The following CFAP68 variants were observed in gnomAD, a reference collection of about 807,000 sequenced individuals.
The protein encoded by CFAP68 is cilia- and flagella-associated protein 68.
At chr11:111,883,315 C>A in the CFAP68 span, 1 of 912,370 alleles carries the variant, frequency 1.1e-6, no homozygotes. Context: ...TGAGGCTGGG[C>A]GCAGTGGCTC....
chr11:111,885,133 A>G, the CFAP68 span: 2 of 151,512 alleles, frequency 1.3e-5, no homozygotes, highest in African/African-American at 2.4e-5. Context: ...CCTGGGCGAC[A>G]AGAGCGAAAC....
At chr11:111,883,904 A>G in the CFAP68 span, 14 of 1,462,236 alleles carry the variant, frequency 9.6e-6, no homozygotes, top group East Asian at 2.3e-5. Flanking sequence ...CAGGATGTGT[A>G]TAAGATCTTA....
At chr11:111,883,088 G>T in the CFAP68 span, 10,322 of 1,335,824 alleles carry the variant, frequency 7.7e-3, 598 homozygotes, top group African/African-American at 0.12. Context: ...ATTTCCTGAT[G>T]TTAGCTGTAG....
chr11:111,883,838 C>T, the CFAP68 span: 1 of 1,613,362 alleles, frequency 6.2e-7, no homozygotes, highest in South Asian at 1.1e-5. Context: ...GATACAAATG[C>T]ACAGAAAAGT....
At chr11:111,883,787 T>A in the CFAP68 span, 3 of 1,612,554 alleles carry the variant, frequency 1.9e-6, no homozygotes, top group Non-Finnish European at 2.5e-6. Flanking sequence ...AGCGAGAGCC[T>A]CACTGGTTCC....
the CFAP68 span, chr11:111,883,167 C>A: frequency 6.3e-7 from 1 of 1,579,714 alleles, no homozygotes; most frequent in Non-Finnish European, 8.6e-7. Flanking sequence ...ACATATGATA[C>A]AAGCTACAAC....
chr11:111,880,966 A>G, the CFAP68 span: 1 of 357,670 alleles, frequency 2.8e-6, no homozygotes, highest in Non-Finnish European at 5.6e-6. Flanking sequence ...TCCTGTGGAG[A>G]AAGGTTTGGA....
the CFAP68 span, chr11:111,879,569 C>T: frequency 5.0e-6 from 8 of 1,614,172 alleles, no homozygotes; most frequent in East Asian, 4.5e-5. Context: ...AAATGGCTGC[C>T]TCCCAGTGTC....
the CFAP68 span, chr11:111,879,561 A>AAAACAC: frequency 6.2e-7 from 1 of 1,614,018 alleles, no homozygotes; most frequent in African/African-American, 1.3e-5. Flanking sequence ...CTCGTCTGAA[A>AAAACAC]TGGCTGCCTC....
At chr11:111,884,201 C>T in the CFAP68 span, 1,816 of 200,268 alleles carry the variant, frequency 9.1e-3, 32 homozygotes, top group African/African-American at 0.04. Flanking sequence ...AGGCCAGGCA[C>T]GGTGGCTCAT....
the CFAP68 span, chr11:111,881,631 G>A: frequency 6.6e-7 from 1 of 1,521,868 alleles, no homozygotes; most frequent in Non-Finnish European, 8.8e-7. Context: ...ATCTTCCTAA[G>A]TCAGGGGGCC....
chr11:111,885,479 C>G, the CFAP68 span: 1 of 152,126 alleles, frequency 6.6e-6, no homozygotes, highest in South Asian at 2.1e-4. Context: ...GACACAGAGT[C>G]TTGGTAATGA....
the CFAP68 span, chr11:111,883,790 C>A: frequency 6.2e-7 from 1 of 1,612,850 alleles, no homozygotes; most frequent in Non-Finnish European, 8.5e-7. Flanking sequence ...GAGAGCCTCA[C>A]TGGTTCCCAG....
At chr11:111,884,169 G>C in the CFAP68 span, 11 of 245,168 alleles carry the variant, frequency 4.5e-5, no homozygotes, top group Middle Eastern at 1.4e-3. Context: ...TGTTGTAGAA[G>C]GGCCTTAAAA....
the CFAP68 span, chr11:111,880,962 G>A: frequency 7.6e-5 from 27 of 357,190 alleles, no homozygotes; most frequent in African/African-American, 5.6e-4. Flanking sequence ...CCTTTCCTGT[G>A]GAGAAAGGTT....
the CFAP68 span, chr11:111,883,698 A>C: frequency 9.9e-7 from 1 of 1,009,568 alleles, no homozygotes; most frequent in Non-Finnish European, 1.6e-6. Flanking sequence ...AATAAGAGCA[A>C]GATCAGTTAC....
the CFAP68 span, chr11:111,880,683 G>T: frequency 2.3e-6 from 1 of 434,672 alleles, no homozygotes. Context: ...TGCCCTCAGG[G>T]TTGCTCTGCA....
the CFAP68 span, chr11:111,884,158 G>A: frequency 1.5e-5 from 4 of 274,776 alleles, no homozygotes; most frequent in African/African-American, 2.3e-5. Flanking sequence ...TACATTTGGG[G>A]TGTTGTAGAA....
chr11:111,883,794 T>C, the CFAP68 span: 2 of 1,613,302 alleles, frequency 1.2e-6, no homozygotes, highest in East Asian at 2.2e-5. Context: ...GCCTCACTGG[T>C]TCCCAGGACA....
Sources: gnomAD v4.1 joint callset for allele counts on GRCh38, gnomAD v4.1.1 for gene constraint, MANE v1.5 for transcripts, NCBI Gene and HGNC (gene_info 2026-07-23, HGNC 2026-07-21) for gene names.